Variants in RAP1A observed in about 807,000 individuals in gnomAD.
RAP1A encodes RAP1A, member of RAS oncogene family.
A neutral mutation model predicts 26.4 loss-of-function variants in RAP1A; 6 were observed. The ratio of observed to expected loss-of-function variants is 0.23; its 90% CI spans 0.12 to 0.45. The LOEUF (loss-of-function observed/expected upper bound fraction) is 0.45, where lower values mean the gene tolerates loss of function less well. Among genes scored for constraint, RAP1A ranks in the 20% least tolerant of loss-of-function variants. RAP1A has a pLI of 0.99. For synonymous variants in RAP1A, 73 were observed against 79.4 expected (o/e 0.92, Z 0.43); for missense variants, 121 against 217.2 (o/e 0.56, Z 2.78).
At chr1:111,636,483 ATT>A (rs796747616) in intron 1 of RAP1A, among the ~76,000 whole-genome samples, 37 of 143,352 alleles carry the variant, frequency 2.6e-4, no homozygotes, top group Middle Eastern at 3.5e-3. Flanking sequence ...AGAAAGGTAA[ATT>A]TTTTTTTTTT....
At chr1:111,543,925 A>G (rs577373002) in intron 1 of RAP1A, among the ~76,000 whole-genome samples, 2 of 152,300 alleles carry the variant, frequency 1.3e-5, no homozygotes, top group African/African-American at 4.8e-5. Context: ...CTCTCTTCTT[A>G]GGAGGTATTT....
chr1:111,663,195 A>G (rs1452280533), intron 1 of RAP1A, among the ~76,000 whole-genome samples: 3 of 152,202 alleles, frequency 2.0e-5, no homozygotes. Context: ...TACAGGCGTG[A>G]GCCACCGTGC....
chr1:111,621,531 C>G (rs944357085), intron 1 of RAP1A, among the ~76,000 whole-genome samples: 4 of 152,078 alleles, frequency 2.6e-5, no homozygotes, highest in Non-Finnish European at 4.4e-5. Context: ...GAGGATCATA[C>G]GTGTTAAGTA....
At chr1:111,572,337 T>C (rs1658066487) in intron 1 of RAP1A, among the ~76,000 whole-genome samples, 2 of 152,262 alleles carry the variant, frequency 1.3e-5, no homozygotes, top group Admixed American at 1.3e-4. Flanking sequence ...TCTTACATGT[T>C]GTGAATTGAA....
At chr1:111,653,774 A>G (rs1660357963) in intron 1 of RAP1A, among the ~76,000 whole-genome samples, 1 of 151,644 alleles carries the variant, frequency 6.6e-6, no homozygotes, top group Non-Finnish European at 1.5e-5. Context: ...ATTAAGTAGT[A>G]TAAAAGAGGT....
At chr1:111,670,556 A>G (rs1660943433) in intron 1 of RAP1A, among the ~76,000 whole-genome samples, 2 of 152,174 alleles carry the variant, frequency 1.3e-5, no homozygotes, top group Non-Finnish European at 2.9e-5. Flanking sequence ...ATTAGAATAA[A>G]CTAAAGAAAG....
chr1:111,573,151 G>T (rs909813387), intron 1 of RAP1A, among the ~76,000 whole-genome samples: 2 of 152,082 alleles, frequency 1.3e-5, no homozygotes, highest in African/African-American at 4.8e-5. Flanking sequence ...GTCTATCATT[G>T]ATGGGCATTT....
intron 1 of RAP1A, among the ~76,000 whole-genome samples, chr1:111,564,876 A>G (rs1478685398): frequency 6.6e-6 from 1 of 152,150 alleles, no homozygotes; most frequent in Non-Finnish European, 1.5e-5. Flanking sequence ...TCACCCCAGA[A>G]AAAGCCCCCC....
chr1:111,616,015 A>T (rs1659007985), upstream of RAP1A, among the ~76,000 whole-genome samples: 1 of 152,142 alleles, frequency 6.6e-6, no homozygotes, highest in Non-Finnish European at 1.5e-5. Context: ...AATGAGGAAG[A>T]TGGATTAAAG....
chr1:111,677,758 A>G (rs1661172620), intron 1 of RAP1A, among the ~76,000 whole-genome samples: 1 of 152,172 alleles, frequency 6.6e-6, no homozygotes, highest in Admixed American at 6.5e-5. Context: ...CTAGACTTGG[A>G]AGTCACATAT....
chr1:111,649,915 T>TA (rs1271491056), intron 1 of RAP1A, among the ~76,000 whole-genome samples: 1 of 152,118 alleles, frequency 6.6e-6, no homozygotes, highest in Non-Finnish European at 1.5e-5. Context: ...CTGTTAGGCT[T>TA]AAAAAAGAAT....
intron 1 of RAP1A, among the ~76,000 whole-genome samples, chr1:111,606,367 C>A (rs1658778078): frequency 6.6e-6 from 1 of 152,088 alleles, no homozygotes; most frequent in South Asian, 2.1e-4. Flanking sequence ...ATTCTCAGAG[C>A]ACGAAGAACC....
intron 6 of RAP1A, among the ~76,000 whole-genome samples, chr1:111,708,021 C>G (rs111952805): frequency 6.6e-6 from 1 of 152,100 alleles, no homozygotes; most frequent in African/African-American, 2.4e-5. Flanking sequence ...ACGAAAAATA[C>G]AAAAATTAGC....
intron 1 of RAP1A, among the ~76,000 whole-genome samples, chr1:111,667,501 A>G (rs1363333229): frequency 6.6e-6 from 1 of 152,080 alleles, no homozygotes; most frequent in Non-Finnish European, 1.5e-5. Flanking sequence ...CCTGGCTAAC[A>G]TGGCGAAACC....
At chr1:111,677,139 G>A (rs141304649) in intron 1 of RAP1A, among the ~76,000 whole-genome samples, 1 of 152,232 alleles carries the variant, frequency 6.6e-6, no homozygotes, top group African/African-American at 2.4e-5. Context: ...ATTACTCTTT[G>A]TGTCTGTCTT....
chr1:111,558,238 C>T (rs957293693), intron 1 of RAP1A, among the ~76,000 whole-genome samples: 7 of 152,048 alleles, frequency 4.6e-5, no homozygotes, highest in Non-Finnish European at 8.8e-5. Flanking sequence ...AGTGCAGTGG[C>T]GCAATCTTGG....
intron 1 of RAP1A, among the ~76,000 whole-genome samples, chr1:111,562,932 C>T (rs1200764673): frequency 1.3e-5 from 2 of 152,228 alleles, no homozygotes. Flanking sequence ...TGATTAGTCT[C>T]TTACTATGTA....
intron 1 of RAP1A, among the ~76,000 whole-genome samples, chr1:111,589,971 T>C (rs1407621912): frequency 2.6e-5 from 4 of 152,172 alleles, no homozygotes; most frequent in Non-Finnish European, 5.9e-5. Flanking sequence ...GGTTTTGCCA[T>C]GTTGCGCAGG....
chr1:111,582,293 G>A (rs1031655724), intron 1 of RAP1A, among the ~76,000 whole-genome samples: 1 of 152,190 alleles, frequency 6.6e-6, no homozygotes, highest in Admixed American at 6.5e-5. Context: ...ACCACAAGGG[G>A]TGGAGAAGTA....
Sources: allele counts gnomAD v4.1 joint callset (sites outside exome capture counted in the v4.1 genomes callset), GRCh38; gene constraint gnomAD v4.1.1; transcripts MANE v1.5; gene names NCBI Gene and HGNC (gene_info 2026-07-23, HGNC 2026-07-21).